Variants in SLCO1A2 observed in about 807,000 individuals in gnomAD.
SLCO1A2 encodes solute carrier organic anion transporter family member 1A2, also known as OATP-1.
In SLCO1A2, 67 loss-of-function variants were observed where a neutral mutation model predicts 69.0. That is an observed-to-expected ratio of 0.97 (90% CI 0.80 to 1.19). The LOEUF is 1.19. SLCO1A2 is among the 50% of genes most tolerant of loss of function. SLCO1A2 has a pLI of 0.00. For synonymous variants in SLCO1A2, 260 were observed against 265.9 expected, an observed-to-expected ratio of 0.98 and a Z score of 0.22; for missense variants, 787 against 793.7, an observed-to-expected ratio of 0.99 and a Z score of 0.10.
intron 12 of SLCO1A2, among the ~76,000 whole-genome samples, chr12:21,280,052 G>T (rs909644636): frequency 6.6e-6 from 1 of 151,170 alleles, no homozygotes; most frequent in African/African-American, 2.4e-5. Flanking sequence ...TGGGCTATAA[G>T]ATAGCATTTG....
intron 4 of SLCO1A2, among the ~76,000 whole-genome samples, chr12:21,310,936 A>C (rs1357947055): frequency 2.0e-5 from 3 of 152,166 alleles, no homozygotes; most frequent in Non-Finnish European, 4.4e-5. Flanking sequence ...TTTTACCCAC[A>C]GTAGAACTTC....
intron 2 of SLCO1A2, chr12:21,373,690 T>C (rs921187419): frequency 7.1e-6 from 5 of 701,720 alleles, no homozygotes; most frequent in Non-Finnish European, 1.3e-5. Context: ...TCTTGGAACT[T>C]AGAGGGGCAA....
intron 1 of SLCO1A2, among the ~76,000 whole-genome samples, chr12:21,405,822 G>A (rs1272924985): frequency 6.6e-6 from 1 of 152,172 alleles, no homozygotes; most frequent in Non-Finnish European, 1.5e-5. Flanking sequence ...GCAATGCTAT[G>A]GAATGTTTAA....
chr12:21,294,032 C>A lies in SLCO1A2; in HGVS notation c.1350G>T (p.Trp450Cys), dbSNP rs755131183. 1.1e-5 allele frequency: 18 copies of A among 1,612,132 alleles called. No individual in the cohort carries two copies. In the East Asian group the frequency reaches 4.0e-4, roughly 36 times the overall value. The change falls in exon 11 of 15, where the codon TGG becomes TGT. Residue 450 changes from tryptophan (W) to cysteine (C), a missense_variant. Transcript: ENST00000683939. ...NVDCNCPSKI[W>C]DPVCGNNGLS... The stretch of plus-strand genomic sequence containing the variant: ...AGCCATTGTTTCCACACACAGGATC[C>A]CATATTTTAGATGGACAGTTGCAAT...
rs575156253 is a variant in SLCO1A2, at chr12:21,313,609, G to A, written c.335+940C>T. ...CACCTATAATCCCAGCTACTCGGGA[G>A]GCTGAGGCAGGAGAATCACTTGACC... On this transcript the variant is annotated intron_variant, in intron 4 of 14. Coordinates refer to ENST00000683939, the MANE Select transcript of SLCO1A2 (RefSeq NM_001386879.1). Among the ~76,000 whole-genome samples, 3 of 152,280 alleles carry A rather than the reference G, an allele frequency of 2.0e-5. No homozygotes were observed. The East Asian group carries it at 5.8e-4, about 29-fold the overall frequency.
At chr12:21,394,823 A>G (rs1941355588) in intron 1 of SLCO1A2, 1 of 152,192 alleles carries the variant, frequency 6.6e-6, no homozygotes, top group Non-Finnish European at 1.5e-5. Context: ...GGTACACTCA[A>G]GCCAATAATA....
At position 21,268,923 on chromosome 12, in the gene SLCO1A2, T is replaced by C. The variant is rs541099147; in HGVS notation, c.*625A>G. The C allele has an allele frequency of 6.6e-6, 1 of 152,118 alleles. No individual in the cohort carries two copies. Among genetic ancestry groups the C allele is most frequent in the African/African-American group, 2.4e-5 (1 of 41,552 alleles). 9.4% of individuals were successfully genotyped at this position (152,118 alleles called of 1,614,324 possible). On this transcript the variant is annotated 3_prime_UTR_variant, in exon 15 of 15. Transcript: ENST00000683939. ...ATGATGTTTAATAACCTGCTTAAGT[T>C]TGTCAGTATTCTGTACAAATTGAGC...
chr12:21,344,384 A>G (rs1953186261), intron 2 of SLCO1A2, among the ~76,000 whole-genome samples: 1 of 152,074 alleles, frequency 6.6e-6, no homozygotes. Context: ...CTCACTTTCC[A>G]TAGTGTTCCA....
At position 21,387,554 on chromosome 12, in the gene SLCO1A2, A is replaced by G. The variant is rs148208386; in HGVS notation, c.-190+7352T>C. ...GCAGCTTCCGTATGGTATTGACCCT[A>G]CGGGGCACAGAAGTCAAGAATTGAG... On this transcript the variant is annotated intron_variant, in intron 1 of 15. Coordinates refer to the SLCO1A2 transcript ENST00000307378. Among the ~76,000 whole-genome samples, 109 of 152,320 alleles carry G rather than the reference A, an allele frequency of 7.2e-4. 1 individual carries two copies. The highest frequency in any genetic ancestry group is 2.6e-3 in the African/African-American group (107 of 41,580).
At chr12:21,390,521 C>T (rs1252735750) in intron 1 of SLCO1A2, among the ~76,000 whole-genome samples, 1 of 152,180 alleles carries the variant, frequency 6.6e-6, no homozygotes, top group Admixed American at 6.5e-5. Context: ...TCCCCCAACA[C>T]ATTTCCTAGT....
chr12:21,319,039 TGAATTTGCAA>T, intron 2 of SLCO1A2, 116 bp from the exon 3 acceptor site: 1 of 786,230 alleles, frequency 1.3e-6, no homozygotes, highest in Non-Finnish European at 2.0e-6. Flanking sequence ...AAGTAACCTT[TGAATTTGCAA>T]GAAACTGTAA....
At position 21,267,938 on chromosome 12, in the gene SLCO1A2, C is replaced by T. The variant is rs1229194651; in HGVS notation, c.*1610G>A. The T allele has an allele frequency of 6.6e-6, 1 of 152,032 alleles. No individual in the cohort carries two copies. Among genetic ancestry groups the T allele is most frequent in the African/African-American group, 2.4e-5 (1 of 41,412 alleles). The allele number at this position is 152,032 out of a possible 1,614,324, so 9.4% of individuals were successfully genotyped here. Reference sequence around the variant, plus strand: ...TCCCCCTTTCCAATGATTTTAGTTCCTCTCTCTTGTTTCAAAGCCAGTCTT... The same window carrying T: ...TCCCCCTTTCCAATGATTTTAGTTCTTCTCTCTTGTTTCAAAGCCAGTCTT... On this transcript the variant is annotated 3_prime_UTR_variant, in exon 15 of 15. Coordinates refer to ENST00000683939, the MANE Select transcript of SLCO1A2 (RefSeq NM_001386879.1).
intron 1 of SLCO1A2, among the ~76,000 whole-genome samples, chr12:21,387,263 C>A (rs1212854710): frequency 6.6e-6 from 1 of 152,122 alleles, no homozygotes; most frequent in African/African-American, 2.4e-5. Context: ...CAGAAATTTG[C>A]GTAAGTAACA....
chr12:21,411,729 C>G (rs1048968549), intron 1 of SLCO1A2, among the ~76,000 whole-genome samples: 1 of 151,828 alleles, frequency 6.6e-6, no homozygotes, highest in Admixed American at 6.6e-5. Context: ...ATTGCCCAGG[C>G]TAGAGTGCAG....
Position 21,295,753 on chromosome 12 carries a change from A to G in SLCO1A2, c.1115T>C (p.Ile372Thr). Residue 372 changes from isoleucine (I) to threonine (T), a missense_variant, in exon 10 of 15, where the codon ATT (isoleucine) becomes ACT (threonine). By Grantham distance (89) the Ile-to-Thr change is moderately conservative (BLOSUM62 -1). Transcript: ENST00000683939. ...GAACTTCTTCATAATTAAACCACCA[A>G]TTATATATCCAATACATATTGGAGG... ...NLPPICIGYI[I>T]GGLIMKKFKI... 6.3e-7 allele frequency: 1 copy of G among 1,597,926 alleles called. No individual in the cohort carries two copies. Among genetic ancestry groups the G allele is most frequent in the East Asian group, 2.2e-5 (1 of 44,620 alleles).
rs1426224783 is a variant in SLCO1A2 at position 21,287,622 on chromosome 12, C to T, written c.1610+4542G>A. 1.5e-5 allele frequency among the ~76,000 whole-genome samples: 2 copies of T among 133,868 alleles called. 1 individual carries two copies. The highest frequency in any genetic ancestry group is 3.3e-5 in the Non-Finnish European group (2 of 61,528). The allele number at this position is 133,868 out of a possible 152,430, so 87.8% of individuals were successfully genotyped here. A position where few individuals can be genotyped will look rare whatever the true frequency, so the allele number is the denominator to read the frequency against. Reference sequence around the variant, plus strand: ...ACTTGGAACCAACCCAAATGTTCAACAATGATAGACTGGATTAAGAAAATG... The same window carrying T: ...ACTTGGAACCAACCCAAATGTTCAATAATGATAGACTGGATTAAGAAAATG... On this transcript the variant is annotated intron_variant, in intron 12 of 14. Coordinates refer to ENST00000683939, the MANE Select transcript of SLCO1A2 (RefSeq NM_001386879.1).
intron 11 of SLCO1A2, among the ~76,000 whole-genome samples, chr12:21,293,172 A>C (rs1947162588): frequency 6.6e-6 from 1 of 152,074 alleles, no homozygotes; most frequent in African/African-American, 2.4e-5. Context: ...GCATGGTGGC[A>C]TGTGCCTGTC....
intron 1 of SLCO1A2, among the ~76,000 whole-genome samples, chr12:21,374,783 T>C (rs1042642836): frequency 6.6e-6 from 1 of 152,000 alleles, no homozygotes; most frequent in Non-Finnish European, 1.5e-5. Flanking sequence ...CTAAGCACTT[T>C]TACCCTCTCT....
At chr12:21,409,505 C>A (rs1941873793) in intron 1 of SLCO1A2, among the ~76,000 whole-genome samples, 1 of 151,872 alleles carries the variant, frequency 6.6e-6, no homozygotes, top group African/African-American at 2.4e-5. Context: ...TCTAACAAAG[C>A]CTAAAATATT....
Sources: gnomAD v4.1 joint callset for allele counts (sites outside exome capture counted in the v4.1 genomes callset) on GRCh38, gnomAD v4.1.1 for gene constraint, MANE v1.5 for transcripts, NCBI Gene and HGNC (gene_info 2026-07-23, HGNC 2026-07-21) for gene names.